The following TTC13 variants were observed in gnomAD, a reference collection of about 807,000 sequenced individuals.
TTC13 encodes the protein tetratricopeptide repeat domain 13, also known as tetratricopeptide repeat protein 13.
Under a neutral mutation model 120.0 loss-of-function variants are expected in TTC13, and 62 were observed. That is an observed-to-expected ratio of 0.52 (90% CI 0.42 to 0.64). The LOEUF is 0.64. TTC13 is among the 30% of genes least tolerant of loss of function. The probability of loss-of-function intolerance (pLI) is 0.00; values close to 1 mark genes in which losing one functional copy is unlikely to be tolerated. For synonymous variants in TTC13, 384 were observed against 393.5 expected (o/e 0.98, Z 0.28); for missense variants, 824 against 1,050.2 (o/e 0.78, Z 2.98).
chr1:230,969,655 G>A (rs1393211714), intron 1 of TTC13, among the ~76,000 whole-genome samples: 2 of 152,170 alleles, frequency 1.3e-5, no homozygotes, highest in Non-Finnish European at 2.9e-5. Context: ...CAGTGGCTCA[G>A]GGCAGGGCTA....
intron 3 of TTC13, among the ~76,000 whole-genome samples, chr1:230,954,981 G>C (rs1302739528): frequency 6.6e-6 from 1 of 152,068 alleles, no homozygotes; most frequent in Admixed American, 6.5e-5. Flanking sequence ...TAGTCAAAAC[G>C]CTACTCAAAA....
chr1:230,924,879 C>T lies in TTC13; in HGVS notation c.1683G>A (p.Gln561=). ...CTGCAATGTCAAACATGTCTCTCCA[C>T]TGCATCAACCGTGTCTTCCCATTCA... ...VRMNGKTRLM[Q]WRDMFDIAVK... is the part of the protein sequence containing the mutation. The change falls in exon 14 of 23, where the codon CAG becomes CAA. Residue 561 remains glutamine, a synonymous_variant. Coordinates refer to ENST00000366661, the MANE Select transcript of TTC13 (RefSeq NM_024525.5). 2.5e-6 allele frequency: 4 copies of T among 1,614,236 alleles called. No individual in the cohort carries two copies. Among genetic ancestry groups the T allele is most frequent in the Non-Finnish European group, 3.4e-6 (4 of 1,180,048 alleles).
At chr1:230,965,825 A>G (rs1677072528) in intron 1 of TTC13, among the ~76,000 whole-genome samples, 1 of 151,790 alleles carries the variant, frequency 6.6e-6, no homozygotes, top group African/African-American at 2.4e-5. Context: ...TTTCATTTTT[A>G]TTTTTTGTGG....
chr1:230,977,548 G>A (rs1473142308), intron 1 of TTC13, among the ~76,000 whole-genome samples: 1 of 152,014 alleles, frequency 6.6e-6, no homozygotes, highest in East Asian at 1.9e-4. Flanking sequence ...GTACTAAAAG[G>A]AAATCAGATT....
intron 1 of TTC13, among the ~76,000 whole-genome samples, chr1:230,973,586 G>GA (rs1677974794): frequency 6.6e-6 from 1 of 152,160 alleles, no homozygotes; most frequent in South Asian, 2.1e-4. Flanking sequence ...GAAGGCATTG[G>GA]AAAAAAAGAT....
chr1:230,909,320 C>T (rs1382383323), intron 20 of TTC13, among the ~76,000 whole-genome samples: 1 of 150,656 alleles, frequency 6.6e-6, no homozygotes, highest in Middle Eastern at 3.5e-3. Flanking sequence ...CATGGCGAAA[C>T]CCTGTCTCTA....
At chr1:230,932,817 G>C (rs531536859) in intron 9 of TTC13, among the ~76,000 whole-genome samples, 2 of 151,982 alleles carry the variant, frequency 1.3e-5, no homozygotes. Flanking sequence ...ACTTTCCGTC[G>C]CTGTCTTTCT....
chr1:230,906,672 G>A lies in TTC13; in HGVS notation c.*233C>T. On this transcript the variant is annotated 3_prime_UTR_variant, in exon 23 of 23. Coordinates refer to ENST00000366661, the MANE Select transcript of TTC13 (RefSeq NM_024525.5). ...ATAAGTGGGAACCAACAGGCTGCCG[G>A]CTAATACATACGCTTTCCCTCCAAG... 1 of 263,152 alleles carries A rather than the reference G, an allele frequency of 3.8e-6. No homozygotes were observed. The highest frequency in any genetic ancestry group is 7.1e-6 in the Non-Finnish European group (1 of 140,208). 16.3% of individuals were successfully genotyped at this position (263,152 alleles called of 1,614,324 possible).
chr1:230,912,553 G>T, intron 19 of TTC13, 70 bp downstream of exon 19: 1 of 1,527,490 alleles, frequency 6.5e-7, no homozygotes, highest in South Asian at 1.2e-5. Context: ...TCAGTGAAAG[G>T]GCAGAGGTTC....
Position 230,940,610 on chromosome 1 carries a change from C to T in TTC13, c.673-54G>A. On this transcript the variant is annotated intron_variant, in intron 6 of 22. Coordinates refer to ENST00000366661, the MANE Select transcript of TTC13 (RefSeq NM_024525.5). This position sits in a 1 kb window ranked among gnomAD's most constrained non-coding sequence, Gnocchi z 4.1. ...GAATACCAATGACCAACCCTAAAAT[C>T]CCAATGTTTTTGACTCTTCAATTCC... 8.2e-7 allele frequency: 1 copy of T among 1,217,648 alleles called. No homozygotes were observed. Among genetic ancestry groups the T allele is most frequent in the Non-Finnish European group, 1.2e-6 (1 of 827,770 alleles). 75.4% of individuals were successfully genotyped at this position (1,217,648 alleles called of 1,614,324 possible). A position where few individuals can be genotyped will look rare whatever the true frequency, so the allele number is the denominator to read the frequency against.
At chr1:230,960,552 C>T (rs1056219850) in intron 2 of TTC13, among the ~76,000 whole-genome samples, 1 of 145,488 alleles carries the variant, frequency 6.9e-6, no homozygotes, top group Admixed American at 6.9e-5. Flanking sequence ...GTAGTTCTCA[C>T]ATGAAAAGGC....
At position 230,943,786 on chromosome 1, in the gene TTC13, A is replaced by T. The variant is rs765706876; in HGVS notation, c.672+20T>A. ...CAACTAATCCAATAATGACAGAGGG[A>T]AAAAGAAAGCCACACTCACTTCTGC... is the stretch of plus-strand genomic sequence containing the variant. On this transcript the variant is annotated intron_variant, in intron 6 of 22. Transcript: ENST00000366661. The T allele has an allele frequency of 4.4e-6, 7 of 1,575,560 alleles. No homozygotes were observed. The highest frequency in any genetic ancestry group is 1.7e-4 in the Middle Eastern group (1 of 5,922).
At chr1:230,933,601 A>G (rs1572219373) in intron 9 of TTC13, among the ~76,000 whole-genome samples, 178 bp downstream of exon 9, 2 of 152,236 alleles carry the variant, frequency 1.3e-5, no homozygotes, top group Non-Finnish European at 2.9e-5. Flanking sequence ...ATCCTCTGGT[A>G]CAATTTATTT....
chr1:230,912,716 T>C lies in TTC13; in HGVS notation c.2136A>G (p.Glu712=), dbSNP rs746264956. Residue 712 remains glutamate (E), a synonymous_variant, in exon 19 of 23, where the codon GAA becomes GAG. Coordinates refer to ENST00000366661, the MANE Select transcript of TTC13 (RefSeq NM_024525.5). ...CAGCATGATATAATTGTGTCCTTTC[T>C]TCCGTGGTTTGAGTTTCCACAGAAA... The part of the protein sequence containing the change: ...ILFSVETQTT[E]ERTQLYHAEI... 3.1e-6 allele frequency: 5 copies of C among 1,612,374 alleles called. No individual in the cohort carries two copies. In the Middle Eastern group the frequency reaches 6.6e-4, roughly 212 times the overall value.
At chr1:230,907,146 A>C (rs369317142) in intron 22 of TTC13, 127 bp from the exon 23 acceptor site, 10 of 422,754 alleles carry the variant, frequency 2.4e-5, no homozygotes, top group African/African-American at 1.9e-4. Context: ...CAGTGTTAGA[A>C]AGGCAGGGAG....
chr1:230,907,944 G>A (rs531984726), intron 22 of TTC13, among the ~76,000 whole-genome samples: 54 of 152,178 alleles, frequency 3.5e-4, no homozygotes, highest in African/African-American at 1.3e-3. Context: ...ACAAGAGCCA[G>A]GAACGATCAT....
intron 12 of TTC13, among the ~76,000 whole-genome samples, chr1:230,927,904 CTT>C (rs1204950764): frequency 6.6e-6 from 1 of 152,172 alleles, no homozygotes; most frequent in Non-Finnish European, 1.5e-5. Flanking sequence ...CATAAAATAA[CTT>C]AATTGGCCCA....
intron 8 of TTC13, among the ~76,000 whole-genome samples, chr1:230,938,762 C>T (rs1674301830): frequency 6.6e-6 from 1 of 152,206 alleles, no homozygotes; most frequent in South Asian, 2.1e-4. Context: ...GGTCTCAGTG[C>T]TGGAATCTAT....
At chr1:230,960,602 A>G (rs942103555) in intron 2 of TTC13, among the ~76,000 whole-genome samples, 2 of 152,234 alleles carry the variant, frequency 1.3e-5, no homozygotes, top group African/African-American at 4.8e-5. Context: ...GTATCTTAAA[A>G]GGAAATTTTA....
Sources: gnomAD v4.1 joint callset for allele counts (sites outside exome capture counted in the v4.1 genomes callset) on GRCh38, gnomAD v4.1.1 for gene constraint, Gnocchi (gnomAD v3.1) non-coding constraint, MANE v1.5 for transcripts, NCBI Gene and HGNC (gene_info 2026-07-23, HGNC 2026-07-21) for gene names.